Variants in KCNG3 observed in about 807,000 individuals in gnomAD.
The protein encoded by KCNG3 is voltage-gated potassium channel regulatory subunit KCNG3.
In KCNG3, 15 loss-of-function variants were observed where a neutral mutation model predicts 29.0. The observed-to-expected ratio is 0.52, with a 90% CI of 0.35 to 0.80. KCNG3 has a LOEUF of 0.80. KCNG3 is among the 30% of genes least tolerant of loss of function. The pLI, the probability that KCNG3 is intolerant of heterozygous loss-of-function variation, is 0.01. For missense variants in KCNG3, 512 were observed against 605.7 expected, an observed-to-expected ratio of 0.85 and a Z score of 1.62; for synonymous variants, 322 against 248.9, an observed-to-expected ratio of 1.29 and a Z score of -2.76.
chr2:42,436,426 C>T, the KCNG3 span, among the ~76,000 whole-genome samples: 3 of 152,174 alleles, frequency 2.0e-5, no homozygotes, highest in Non-Finnish European at 4.4e-5. Context: ...TAGGACCACC[C>T]CATATTTATT....
In KCNG3 at chr2:42,493,181, G is replaced by A. The variant is rs755240497; in HGVS notation, c.321C>T (p.His107=). 2 of 1,609,336 alleles carry A rather than the reference G, an allele frequency of 1.2e-6. No homozygotes were observed. The highest frequency in any genetic ancestry group is 1.7e-6 in the Non-Finnish European group (2 of 1,179,802). ...EMIYWGLEGA[H]LEYCCQRRLD... is the part of the protein sequence containing the mutation. Reference sequence around the variant, plus strand: ...GGCGGCGCTGGCAGCAGTACTCGAGGTGCGCGCCCTCCAGGCCCCAGTAGA... The same window carrying A: ...GGCGGCGCTGGCAGCAGTACTCGAGATGCGCGCCCTCCAGGCCCCAGTAGA... Residue 107 remains histidine, a synonymous_variant, in exon 1 of 2, where the codon CAC becomes CAT. Coordinates refer to ENST00000306078, the MANE Select transcript of KCNG3 (RefSeq NM_133329.6).
chr2:42,457,659 ACACACACAC>A (rs1424034293), intron 1 of KCNG3, among the ~76,000 whole-genome samples: 2 of 150,738 alleles, frequency 1.3e-5, no homozygotes, highest in African/African-American at 2.4e-5. Flanking sequence ...ACACACACAC[ACACACACAC>A]AAGGCTGGGC....
chr2:42,492,796 G>C, intron 1 of KCNG3, 41 bp downstream of exon 1: 1 of 1,419,612 alleles, frequency 7.0e-7, no homozygotes, highest in Non-Finnish European at 9.2e-7. Flanking sequence ...GGACAGACGC[G>C]ACAGGACGGA....
chr2:42,466,181 G>A (rs958636696), intron 1 of KCNG3, among the ~76,000 whole-genome samples: 12 of 152,258 alleles, frequency 7.9e-5, no homozygotes, highest in Admixed American at 2.0e-4. Flanking sequence ...CAAGATAGGC[G>A]GATCACCTAA....
At chr2:42,473,795 T>C (rs1029946019) in intron 1 of KCNG3, among the ~76,000 whole-genome samples, 6 of 152,066 alleles carry the variant, frequency 3.9e-5, no homozygotes, top group Non-Finnish European at 7.4e-5. Flanking sequence ...TCAACACTTA[T>C]ATTAGAAAAA....
the KCNG3 span, among the ~76,000 whole-genome samples, chr2:42,429,151 A>C: frequency 3.9e-5 from 6 of 152,188 alleles, no homozygotes; most frequent in South Asian, 1.2e-3. Flanking sequence ...ACAAACAAAA[A>C]AAAAACAGGC....
downstream of KCNG3, among the ~76,000 whole-genome samples, chr2:42,439,706 G>A (rs1297572353): frequency 6.6e-6 from 1 of 151,740 alleles, no homozygotes; most frequent in Non-Finnish European, 1.5e-5. Context: ...GAGTGCAAAG[G>A]CGCGATCTCG....
chr2:42,444,181 T>C lies in KCNG3; in HGVS notation c.1064A>G (p.Lys355Arg). The change falls in exon 2 of 2, where the codon AAG becomes AGG. Residue 355 changes from lysine (K) to arginine (R), a missense_variant. Around this residue, in one of 5 missense-constraint regions of KCNG3, gnomAD observed 173 missense variants for 262.4 expected, o/e 0.66. Transcript: ENST00000306078. The surrounding 1 kb of genome is among the most constrained non-coding windows in gnomAD (Gnocchi z 5.8). ...GGCAGCAGGAATGCTGGTAAAGTCC[T>C]TGTTGGATGTTTCCAGGTCCAGCCC... The part of the protein sequence containing the change: ...EHGLDLETSN[K>R]DFTSIPAACW... 3 of 1,614,164 alleles carry C rather than the reference T, an allele frequency of 1.9e-6. No homozygotes were observed. Among genetic ancestry groups the C allele is most frequent in the Non-Finnish European group, 2.5e-6 (3 of 1,180,026 alleles).
In KCNG3 at chr2:42,480,827, A is replaced by G. The variant is rs553868513; in HGVS notation, c.665+12010T>C. Among the ~76,000 whole-genome samples, 8 of 150,012 alleles carry G rather than the reference A, an allele frequency of 5.3e-5. No homozygotes were observed. The South Asian group carries it at 1.5e-3, about 28-fold the overall frequency. ...GAGATGGAGTCTTGCTCTGTTGCCC[A>G]GGCTAGAGTGCAGTGGCGTGATCTT... On this transcript the variant is annotated intron_variant, in intron 1 of 1. Transcript: ENST00000306078.
chr2:42,401,827 T>C, the KCNG3 span, among the ~76,000 whole-genome samples: 28 of 152,076 alleles, frequency 1.8e-4, no homozygotes, highest in African/African-American at 5.1e-4. Flanking sequence ...GAGGTTTCAG[T>C]GAGCCAAGCT....
chr2:42,448,839 G>A (rs547967554), intron 1 of KCNG3, among the ~76,000 whole-genome samples: 4 of 152,134 alleles, frequency 2.6e-5, no homozygotes, highest in South Asian at 2.1e-4. Context: ...TTAGCCGGGC[G>A]CAGTGGCGGG....
chr2:42,460,146 T>C (rs549233705), intron 1 of KCNG3, among the ~76,000 whole-genome samples: 3 of 152,004 alleles, frequency 2.0e-5, no homozygotes, highest in Non-Finnish European at 4.4e-5. Flanking sequence ...GGAGGACTTC[T>C]TGAAGCCAGG....
At chr2:42,474,923 T>A (rs1284206442) in intron 1 of KCNG3, among the ~76,000 whole-genome samples, 1 of 152,176 alleles carries the variant, frequency 6.6e-6, no homozygotes, top group Non-Finnish European at 1.5e-5. Context: ...GCTGACCCAA[T>A]GTACACGACT....
At position 42,471,900 on chromosome 2, in the gene KCNG3, A is replaced by G. The variant is rs565835731; in HGVS notation, c.665+20937T>C. On this transcript the variant is annotated intron_variant, in intron 1 of 1. Coordinates refer to ENST00000306078, the MANE Select transcript of KCNG3 (RefSeq NM_133329.6). Reference sequence around the variant, plus strand: ...CCCTGTATCTCAAAAAAAAAAAAAAAAAAGAAAGAAAAAAGAAAAAAAGCA... The same window carrying G: ...CCCTGTATCTCAAAAAAAAAAAAAAGAAAGAAAGAAAAAAGAAAAAAAGCA... Among the ~76,000 whole-genome samples the G allele has an allele frequency of 8.4e-4, 127 of 151,842 alleles. No homozygotes were observed. In the Middle Eastern group the frequency reaches 0.021, roughly 25 times the overall value.
At chr2:42,468,088 T>C (rs1169528480) in intron 1 of KCNG3, among the ~76,000 whole-genome samples, 1 of 151,888 alleles carries the variant, frequency 6.6e-6, no homozygotes. Context: ...CTACATAAAT[T>C]AGCAAATGTG....
At chr2:42,409,521 C>T in the KCNG3 span, among the ~76,000 whole-genome samples, 1 of 151,244 alleles carries the variant, frequency 6.6e-6, no homozygotes, top group African/African-American at 2.4e-5. Flanking sequence ...ACAGGCAACA[C>T]GGTGAAACCT....
At chr2:42,404,789 A>T in the KCNG3 span, among the ~76,000 whole-genome samples, 1 of 152,178 alleles carries the variant, frequency 6.6e-6, no homozygotes, top group Non-Finnish European at 1.5e-5. Flanking sequence ...TACTCAGTGT[A>T]TACAACTGAG....
chr2:42,477,386 T>TACACACACACACAC (rs1198473558), intron 1 of KCNG3, among the ~76,000 whole-genome samples: 1 of 103,396 alleles, frequency 9.7e-6, no homozygotes, highest in African/African-American at 4.3e-5. Flanking sequence ...CACACATATA[T>TACACACACACACAC]ATACACACAC....
chr2:42,465,359 G>C (rs1221251855), intron 1 of KCNG3, among the ~76,000 whole-genome samples: 1 of 152,012 alleles, frequency 6.6e-6, no homozygotes, highest in African/African-American at 2.4e-5. Flanking sequence ...TCGGACTACA[G>C]GTGTGCACCA....
Sources: gnomAD v4.1 joint callset for allele counts (sites outside exome capture counted in the v4.1 genomes callset) on GRCh38, gnomAD v4.1.1 for gene constraint, gnomAD v4.1.1 regional missense constraint, Gnocchi (gnomAD v3.1) non-coding constraint, MANE v1.5 for transcripts, NCBI Gene and HGNC (gene_info 2026-07-23, HGNC 2026-07-21) for gene names.